Variants in PTGER3 observed in about 807,000 individuals in gnomAD.
The protein encoded by PTGER3 is prostaglandin E2 receptor EP3 subtype.
A neutral mutation model predicts 34.7 loss-of-function variants in PTGER3; 22 were observed. The ratio of observed to expected loss-of-function variants is 0.63; its 90% confidence interval spans 0.45 to 0.91. PTGER3 has a LOEUF of 0.91. Ranked by LOEUF, PTGER3 falls within the 40% of genes least tolerant of loss-of-function variation. The probability of loss-of-function intolerance (pLI) is 0.00; values close to 1 mark genes in which losing one functional copy is unlikely to be tolerated. For synonymous variants in PTGER3, 241 were observed against 230.1 expected (o/e 1.05, Z -0.43); for missense variants, 468 against 519.4 (o/e 0.90, Z 0.96).
chr1:70,892,899 A>G (rs980026016), intron 4 of PTGER3, among the ~76,000 whole-genome samples: 5 of 151,902 alleles, frequency 3.3e-5, no homozygotes, highest in Non-Finnish European at 7.4e-5. Flanking sequence ...TCACCTTCAT[A>G]TCTTCCTAGC....
At chr1:70,963,345 G>C (rs2100640875) in intron 2 of PTGER3, among the ~76,000 whole-genome samples, 1 of 152,292 alleles carries the variant, frequency 6.6e-6, no homozygotes, top group African/African-American at 2.4e-5. Flanking sequence ...CTACTAGGCA[G>C]TGTCTCAGTG....
chr1:71,037,114 G>A (rs1003091596), intron 1 of PTGER3, among the ~76,000 whole-genome samples: 1 of 152,186 alleles, frequency 6.6e-6, no homozygotes, highest in African/African-American at 2.4e-5. Flanking sequence ...TTCCATTAGG[G>A]CCATCATGCT....
chr1:70,868,734 T>C (rs1646098819), intron 4 of PTGER3, among the ~76,000 whole-genome samples: 1 of 152,112 alleles, frequency 6.6e-6, no homozygotes, highest in Admixed American at 6.5e-5. Context: ...AAATGGAACA[T>C]TAGTGGAAAC....
At chr1:70,921,355 T>C (rs1479398092) in intron 4 of PTGER3, among the ~76,000 whole-genome samples, 2 of 152,164 alleles carry the variant, frequency 1.3e-5, no homozygotes, top group Non-Finnish European at 2.9e-5. Flanking sequence ...TGCCTCGCTT[T>C]CCCCATCTTG....
At chr1:70,958,862 G>C (rs928037757) in intron 2 of PTGER3, among the ~76,000 whole-genome samples, 3 of 152,262 alleles carry the variant, frequency 2.0e-5, no homozygotes, top group East Asian at 3.9e-4. Flanking sequence ...TATACTGTGA[G>C]AGATGGGGGT....
In PTGER3 at chr1:70,866,262, C is replaced by A. The variant is rs532154758; in HGVS notation, c.*24-13403G>T. Among the ~76,000 whole-genome samples, 120 of 152,260 alleles carry A rather than the reference C, an allele frequency of 7.9e-4. 1 individual carries two copies. Among genetic ancestry groups the A allele is most frequent in the Non-Finnish European group, 1.3e-3 (90 of 68,020 alleles). ...TATCATTAAGACTTCCTCAGAAGAG[C>A]CACTGCAAAATCTGTGCCAACTGTT... is the stretch of plus-strand genomic sequence containing the variant. On this transcript the variant is annotated intron_variant, in intron 4 of 4. Transcript: ENST00000370931.
downstream of PTGER3, among the ~76,000 whole-genome samples, chr1:70,952,003 G>A (rs1650803641): frequency 6.6e-6 from 1 of 152,040 alleles, no homozygotes; most frequent in African/African-American, 2.4e-5. Context: ...CAGGAGGTAG[G>A]GAAAAAAGTG....
At chr1:71,003,335 T>C (rs1409442841) in intron 2 of PTGER3, among the ~76,000 whole-genome samples, 1 of 152,178 alleles carries the variant, frequency 6.6e-6, no homozygotes, top group African/African-American at 2.4e-5. Flanking sequence ...TATCCTAGTA[T>C]CATGAAGTTA....
rs535739246 is a variant in PTGER3 at position 70,915,648 on chromosome 1, T to A, written c.*23+38115A>T. On this transcript the variant is annotated intron_variant, in intron 4 of 4. Transcript: ENST00000370931. ...CAGTCATTAAGTGTCTCAAATATAA[T>A]TGTCCATTTGGCCAATTTCAACCAA... Among the ~76,000 whole-genome samples the A allele has an allele frequency of 4.6e-5, 7 of 152,114 alleles. No individual in the cohort carries two copies. In the South Asian group the frequency reaches 1.5e-3, roughly 32 times the overall value.
intron 1 of PTGER3, among the ~76,000 whole-genome samples, chr1:71,025,171 T>TCCTA (rs1356670608): frequency 1.3e-5 from 2 of 149,534 alleles, no homozygotes; most frequent in Admixed American, 6.7e-5. Context: ...CTTCTTTCCT[T>TCCTA]CCTTTTTTTC....
At chr1:70,964,899 C>T (rs567888611) in intron 2 of PTGER3, among the ~76,000 whole-genome samples, 91 of 152,186 alleles carry the variant, frequency 6.0e-4, no homozygotes, top group African/African-American at 1.8e-3. Flanking sequence ...ACACACCAGA[C>T]GTGGAAGTGA....
At chr1:70,999,780 A>G (rs933096959) in intron 2 of PTGER3, among the ~76,000 whole-genome samples, 3 of 152,224 alleles carry the variant, frequency 2.0e-5, no homozygotes, top group Admixed American at 6.5e-5. Context: ...TATTCTTAGT[A>G]ACCCAAATTG....
At chr1:70,915,240 T>C (rs1210552304) in intron 4 of PTGER3, among the ~76,000 whole-genome samples, 1 of 151,924 alleles carries the variant, frequency 6.6e-6, no homozygotes, top group Non-Finnish European at 1.5e-5. Flanking sequence ...TTACAATCAA[T>C]GTCCCCCTCA....
intron 2 of PTGER3, among the ~76,000 whole-genome samples, chr1:70,978,319 C>A (rs918817644): frequency 6.6e-6 from 1 of 152,150 alleles, no homozygotes; most frequent in Non-Finnish European, 1.5e-5. Context: ...AACCTCCCCC[C>A]ACTTTTTATG....
At chr1:71,027,242 A>G (rs746273442) in intron 1 of PTGER3, among the ~76,000 whole-genome samples, 5 of 151,916 alleles carry the variant, frequency 3.3e-5, no homozygotes, top group Non-Finnish European at 5.9e-5. Context: ...TAATTTACTC[A>G]CTGTAGCCTC....
intron 2 of PTGER3, among the ~76,000 whole-genome samples, chr1:70,993,598 T>C (rs544763489): frequency 1.2e-4 from 18 of 152,240 alleles, no homozygotes; most frequent in African/African-American, 4.1e-4. Flanking sequence ...TCTGGAGAGC[T>C]CAGAAGAAAG....
chr1:70,966,222 T>C (rs990151255), downstream of PTGER3, among the ~76,000 whole-genome samples: 1 of 152,130 alleles, frequency 6.6e-6, no homozygotes, highest in Non-Finnish European at 1.5e-5. Flanking sequence ...TGCCTGTAGG[T>C]GTAAAGTTAA....
At chr1:71,024,300 CTTGAAACATCAATTTAT>C (rs1658688028) in intron 1 of PTGER3, among the ~76,000 whole-genome samples, 1 of 152,104 alleles carries the variant, frequency 6.6e-6, no homozygotes, top group Non-Finnish European at 1.5e-5. Flanking sequence ...CGTGCGTGGT[CTTGAAACATCAATTTAT>C]TTGATATTTC....
chr1:71,044,277 A>T (rs1573017002), intron 1 of PTGER3, among the ~76,000 whole-genome samples: 1 of 151,516 alleles, frequency 6.6e-6, no homozygotes, highest in South Asian at 2.1e-4. Context: ...TCTCTACTAA[A>T]AATACAAAAA....
Sources: allele counts gnomAD v4.1 joint callset (sites outside exome capture counted in the v4.1 genomes callset), GRCh38; gene constraint gnomAD v4.1.1; transcripts MANE v1.5; gene names NCBI Gene and HGNC (gene_info 2026-07-23, HGNC 2026-07-21).